Variants in ZFPM2 observed in about 807,000 individuals in gnomAD.
ZFPM2 encodes the protein zinc finger protein, FOG family member 2.
A neutral mutation model predicts 98.6 loss-of-function variants in ZFPM2; 20 were observed. The observed-to-expected ratio is 0.20, with a 90% CI of 0.14 to 0.29. The LOEUF (loss-of-function observed/expected upper bound fraction) is 0.29. Ranked by LOEUF, ZFPM2 falls within the 10% of genes least tolerant of loss-of-function variation. The pLI is 1.00. For synonymous variants in ZFPM2, 518 were observed against 502.7 expected, an observed-to-expected ratio of 1.03 and a Z score of -0.41; for missense variants, 1,310 against 1,388.6, an observed-to-expected ratio of 0.94 and a Z score of 0.90.
At chr8:105,568,954 T>G (rs1472307587) in intron 4 of ZFPM2, among the ~76,000 whole-genome samples, 6 of 152,054 alleles carry the variant, frequency 3.9e-5, no homozygotes, top group Non-Finnish European at 8.8e-5. Context: ...GGTCATGCTG[T>G]TTTATCCTCC....
At chr8:105,640,125 A>G (rs1385983189) in intron 5 of ZFPM2, among the ~76,000 whole-genome samples, 1 of 152,040 alleles carries the variant, frequency 6.6e-6, no homozygotes, top group African/African-American at 2.4e-5. Flanking sequence ...ACAGATGAAT[A>G]AATTTAGGTT....
At chr8:105,598,002 T>C (rs1194004849) in intron 4 of ZFPM2, among the ~76,000 whole-genome samples, 1 of 149,718 alleles carries the variant, frequency 6.7e-6, no homozygotes, top group East Asian at 2.0e-4. Flanking sequence ...TTCTGCTGCA[T>C]AAAACTTACT....
chr8:105,630,546 A>G (rs1193989097), intron 4 of ZFPM2, among the ~76,000 whole-genome samples: 1 of 152,138 alleles, frequency 6.6e-6, no homozygotes, highest in Non-Finnish European at 1.5e-5. Context: ...GATTTGGACT[A>G]CAATAAATTG....
chr8:105,628,160 G>T (rs796220037), intron 4 of ZFPM2, among the ~76,000 whole-genome samples: 15 of 152,278 alleles, frequency 9.9e-5, no homozygotes, highest in African/African-American at 3.4e-4. Flanking sequence ...CCATTCTGAA[G>T]TTCAGAACAC....
chr8:105,335,025 A>G (rs999386648), intron 1 of ZFPM2, among the ~76,000 whole-genome samples: 9 of 151,778 alleles, frequency 5.9e-5, no homozygotes, highest in African/African-American at 2.2e-4. Flanking sequence ...TAATTCATAA[A>G]TGCCAGCATA....
intron 1 of ZFPM2, among the ~76,000 whole-genome samples, chr8:105,359,562 G>C (rs1812817312): frequency 6.6e-6 from 1 of 151,810 alleles, no homozygotes; most frequent in African/African-American, 2.4e-5. Flanking sequence ...TTTTAGTAGA[G>C]ATGGGGTTTC....
chr8:105,660,564 C>T (rs779843602), intron 5 of ZFPM2, among the ~76,000 whole-genome samples: 3 of 152,158 alleles, frequency 2.0e-5, no homozygotes, highest in Non-Finnish European at 4.4e-5. Context: ...CATATTTGCA[C>T]ATATACACAT....
intron 5 of ZFPM2, among the ~76,000 whole-genome samples, chr8:105,783,197 G>GTGTT (rs1318767604): frequency 1.3e-4 from 14 of 105,290 alleles, no homozygotes; most frequent in African/African-American, 4.6e-4. Flanking sequence ...CTTATCCCTT[G>GTGTT]TGTTTCTTTA....
At position 105,349,218 on chromosome 8, in the gene ZFPM2, C is replaced by T. The variant is rs138488173; in HGVS notation, c.40+30237C>T. Among the ~76,000 whole-genome samples the T allele has an allele frequency of 2.6e-3, 393 of 152,092 alleles. 3 individuals carry two copies. The highest frequency in any genetic ancestry group is 0.013 in the South Asian group (62 of 4,800). The stretch of plus-strand genomic sequence containing the variant: ...AGAATAAATCAGTCATGAAGCTATT[C>T]GGGCTTGTATTTATCCACAGTTAGA... On this transcript the variant is annotated intron_variant, in intron 1 of 7. Coordinates refer to ENST00000407775, the MANE Select transcript of ZFPM2 (RefSeq NM_012082.4).
intron 4 of ZFPM2, among the ~76,000 whole-genome samples, chr8:105,600,200 C>T (rs1289211759): frequency 6.6e-6 from 1 of 152,050 alleles, no homozygotes; most frequent in Non-Finnish European, 1.5e-5. Context: ...GTTCCTAAAA[C>T]ACAAAGTTGT....
chr8:105,647,438 T>A (rs1407146261), intron 5 of ZFPM2, among the ~76,000 whole-genome samples: 1 of 152,038 alleles, frequency 6.6e-6, no homozygotes, highest in Non-Finnish European at 1.5e-5. Flanking sequence ...GCAGGTTTGT[T>A]ACCTATGTAT....
intron 5 of ZFPM2, among the ~76,000 whole-genome samples, chr8:105,787,826 T>C (rs1328127043): frequency 6.6e-6 from 1 of 152,216 alleles, no homozygotes; most frequent in Non-Finnish European, 1.5e-5. Flanking sequence ...AGAGTGTAGA[T>C]AACAAAATAT....
At chr8:105,743,773 A>C (rs2131038166) in intron 5 of ZFPM2, among the ~76,000 whole-genome samples, 1 of 152,228 alleles carries the variant, frequency 6.6e-6, no homozygotes, top group South Asian at 2.1e-4. Flanking sequence ...TTCTGCCGTA[A>C]AATGAGAATG....
intron 6 of ZFPM2, chr8:105,798,457 A>AAAAT (rs1813899189): frequency 3.1e-6 from 1 of 325,252 alleles, no homozygotes; most frequent in Non-Finnish European, 5.7e-6. Flanking sequence ...CGCAAAAAAT[A>AAAAT]AAATAAAATA....
At chr8:105,485,487 C>A (rs1368415594) in intron 3 of ZFPM2, among the ~76,000 whole-genome samples, 3 of 151,978 alleles carry the variant, frequency 2.0e-5, no homozygotes, top group African/African-American at 7.2e-5. Context: ...CTCTGCTCTC[C>A]AACCTGGGTG....
At chr8:105,525,962 CA>C (rs146937287) in intron 3 of ZFPM2, among the ~76,000 whole-genome samples, 1,943 of 152,262 alleles carry the variant, frequency 0.013, 44 homozygotes, top group African/African-American at 0.044. Context: ...CCTAAGTGCT[CA>C]AATAAGTGTT....
chr8:105,429,998 G>A (rs1811988738), intron 2 of ZFPM2, among the ~76,000 whole-genome samples: 1 of 152,100 alleles, frequency 6.6e-6, no homozygotes, highest in South Asian at 2.1e-4. Context: ...AACAGTGTGG[G>A]ACAATTCTGA....
intron 3 of ZFPM2, among the ~76,000 whole-genome samples, chr8:105,475,054 AC>A (rs1812984991): frequency 6.6e-6 from 1 of 152,208 alleles, no homozygotes; most frequent in African/African-American, 2.4e-5. Context: ...TTATGGAAAA[AC>A]ATTGGCTAAA....
chr8:105,341,354 A>T (rs1269525458), intron 1 of ZFPM2, among the ~76,000 whole-genome samples: 1 of 151,918 alleles, frequency 6.6e-6, no homozygotes, highest in Non-Finnish European at 1.5e-5. Context: ...TTCTGTCCAT[A>T]TTATGGGAGT....
Sources: allele counts gnomAD v4.1 joint callset (sites outside exome capture counted in the v4.1 genomes callset), GRCh38; gene constraint gnomAD v4.1.1; transcripts MANE v1.5; gene names NCBI Gene and HGNC (gene_info 2026-07-23, HGNC 2026-07-21).